Variants in DLG2 observed in about 807,000 individuals in gnomAD.
DLG2 encodes disks large homolog 2.
A neutral mutation model predicts 132.5 loss-of-function variants in DLG2; 45 were observed. That is an observed-to-expected ratio of 0.34 (90% CI 0.27 to 0.44). DLG2 has a LOEUF of 0.44. Ranked by LOEUF, DLG2 falls within the 20% of genes least tolerant of loss-of-function variation. The pLI is 1.00. For missense variants in DLG2, 1,045 were observed against 1,196.9 expected (o/e 0.87, Z 1.87); for synonymous variants, 424 against 419.6 (o/e 1.01, Z -0.13).
chr11:84,691,349 G>A (rs888615047), intron 6 of DLG2, among the ~76,000 whole-genome samples: 3 of 151,562 alleles, frequency 2.0e-5, no homozygotes, highest in African/African-American at 7.3e-5. Context: ...TTTAGAACAG[G>A]CAACGACTTA....
chr11:83,586,045 T>A (rs2097079473), intron 19 of DLG2, among the ~76,000 whole-genome samples: 2 of 152,064 alleles, frequency 1.3e-5, no homozygotes. Flanking sequence ...ATTTTGAGAG[T>A]GGGCATGACA....
intron 3 of DLG2, among the ~76,000 whole-genome samples, chr11:85,309,632 A>G (rs2080188587): frequency 6.6e-6 from 1 of 152,090 alleles, no homozygotes. Flanking sequence ...TTATTCCCAC[A>G]ACCTGACATC....
chr11:85,003,551 C>T (rs757330665), intron 6 of DLG2, among the ~76,000 whole-genome samples: 7 of 151,974 alleles, frequency 4.6e-5, no homozygotes, highest in Non-Finnish European at 8.8e-5. Context: ...GTAAATAATA[C>T]AAAAATAATT....
intron 7 of DLG2, among the ~76,000 whole-genome samples, chr11:84,484,684 T>C (rs1603061856): frequency 6.6e-6 from 1 of 152,286 alleles, no homozygotes; most frequent in South Asian, 2.1e-4. Context: ...TCTGGGATGT[T>C]GGCAAATTAA....
At chr11:84,454,536 A>G (rs1477811627) in intron 7 of DLG2, among the ~76,000 whole-genome samples, 1 of 151,518 alleles carries the variant, frequency 6.6e-6, no homozygotes, top group Non-Finnish European at 1.5e-5. Flanking sequence ...TCAAAATTAT[A>G]CCCAAATTTT....
At chr11:84,778,792 A>G (rs1469275182) in intron 6 of DLG2, among the ~76,000 whole-genome samples, 1 of 152,166 alleles carries the variant, frequency 6.6e-6, no homozygotes, top group Non-Finnish European at 1.5e-5. Flanking sequence ...CTCACCCTCA[A>G]GAAGACCCAC....
intron 21 of DLG2, among the ~76,000 whole-genome samples, chr11:83,494,743 G>C (rs1376237599): frequency 6.6e-6 from 1 of 151,872 alleles, no homozygotes; most frequent in Non-Finnish European, 1.5e-5. Context: ...GTTTGAAAAG[G>C]ATGTCTCCTG....
intron 18 of DLG2, among the ~76,000 whole-genome samples, chr11:83,753,478 T>A (rs754215589): frequency 4.0e-5 from 6 of 151,776 alleles, no homozygotes; most frequent in Non-Finnish European, 8.8e-5. Context: ...TCTCCACTCA[T>A]GGCTCTTTGA....
chr11:83,790,224 T>G, intron 17 of DLG2: 1 of 904,216 alleles, frequency 1.1e-6, no homozygotes, highest in East Asian at 2.4e-5. Context: ...ACTATGGATG[T>G]ATGCCCTTCC....
intron 3 of DLG2, among the ~76,000 whole-genome samples, chr11:85,348,609 A>G (rs1008707374): frequency 1.3e-5 from 2 of 152,098 alleles, no homozygotes; most frequent in Admixed American, 6.6e-5. Context: ...CCCAAACTGA[A>G]GTTATTATCT....
At chr11:84,960,920 C>A (rs1019821087) in intron 6 of DLG2, among the ~76,000 whole-genome samples, 2 of 152,072 alleles carry the variant, frequency 1.3e-5, no homozygotes, top group Non-Finnish European at 2.9e-5. Context: ...CACTGGAGCT[C>A]TGGGCTGATA....
At chr11:84,873,346 C>A (rs1450829735) in intron 6 of DLG2, among the ~76,000 whole-genome samples, 3 of 152,188 alleles carry the variant, frequency 2.0e-5, no homozygotes, top group African/African-American at 4.8e-5. Context: ...AAAACAGATT[C>A]TCTCCCAGAA....
intron 3 of DLG2, among the ~76,000 whole-genome samples, chr11:85,484,245 C>CCCT: frequency 6.7e-6 from 1 of 150,048 alleles, no homozygotes; most frequent in East Asian, 2.0e-4. Context: ...CTCCCACCGC[C>CCCT]CCTCCTCCTC....
chr11:83,982,942 G>A (rs570770872), intron 11 of DLG2, among the ~76,000 whole-genome samples: 91 of 152,246 alleles, frequency 6.0e-4, no homozygotes, highest in African/African-American at 2.0e-3. Context: ...ATACAGGTTT[G>A]TATCCAAGGA....
intron 6 of DLG2, among the ~76,000 whole-genome samples, chr11:84,833,597 C>A (rs2079318481): frequency 6.6e-6 from 1 of 150,676 alleles, no homozygotes; most frequent in African/African-American, 2.4e-5. Context: ...TAAAAAGGAA[C>A]TATCAGCACC....
rs545869449 is a variant in DLG2, at chr11:85,587,306, C to A, written c.40+11351G>T. Among the ~76,000 whole-genome samples the A allele has an allele frequency of 2.6e-5, 4 of 152,150 alleles. No individual in the cohort carries two copies. In the South Asian group the frequency reaches 6.2e-4, roughly 24 times the overall value. ...GTGCTGTCAGTGAAGCATTGAAGTC[C>A]CCCACTATTATTGTGTTGCCATCTA... On this transcript the variant is annotated intron_variant, in intron 3 of 27. Transcript: ENST00000376104.
intron 6 of DLG2, among the ~76,000 whole-genome samples, chr11:84,850,678 A>G (rs2082067227): frequency 1.3e-5 from 2 of 152,180 alleles, no homozygotes; most frequent in African/African-American, 2.4e-5. Flanking sequence ...AGCTAATAGA[A>G]TAAACAGATT....
chr11:84,361,892 A>T (rs1194068377), intron 7 of DLG2, among the ~76,000 whole-genome samples: 2 of 151,960 alleles, frequency 1.3e-5, no homozygotes, highest in South Asian at 2.1e-4. Context: ...AAACCACATA[A>T]AATTAAAAGA....
In DLG2 at chr11:83,727,788, T is replaced by C. The variant is rs185602169; in HGVS notation, c.1825+58902A>G. ...CCTCCGAAAAATCCACTTCGGTGAT[T>C]TTAGTCAGATTATTTTCACTTGGCT... On this transcript the variant is annotated intron_variant, in intron 18 of 27. Coordinates refer to ENST00000376104, the MANE Select transcript of DLG2 (RefSeq NM_001142699.3). 8.5e-5 allele frequency among the ~76,000 whole-genome samples: 13 copies of C among 152,286 alleles called. No homozygotes were observed. In the East Asian group the frequency reaches 2.3e-3, roughly 27 times the overall value.
Sources: allele counts gnomAD v4.1 joint callset (sites outside exome capture counted in the v4.1 genomes callset), GRCh38; gene constraint gnomAD v4.1.1; transcripts MANE v1.5; gene names NCBI Gene and HGNC (gene_info 2026-07-23, HGNC 2026-07-21).